Variants in POT1 observed in about 807,000 individuals in gnomAD.
POT1 encodes protection of telomeres protein 1.
In POT1, 47 loss-of-function variants were observed where a neutral mutation model predicts 78.5. The ratio of observed to expected loss-of-function variants is 0.60; its 90% confidence interval spans 0.47 to 0.76. The LOEUF (loss-of-function observed/expected upper bound fraction) is 0.76. Among genes scored for constraint, POT1 ranks in the 30% least tolerant of loss-of-function variants. The pLI is 0.00. For missense variants in POT1, 646 were observed against 749.9 expected, an observed-to-expected ratio of 0.86 and a Z score of 1.62; for synonymous variants, 259 against 260.7, an observed-to-expected ratio of 0.99 and a Z score of 0.06.
At chr7:124,834,201 A>C (rs1382620075) in intron 15 of POT1, among the ~76,000 whole-genome samples, 1 of 152,128 alleles carries the variant, frequency 6.6e-6, no homozygotes, top group Non-Finnish European at 1.5e-5. Context: ...ATGGGCAAAG[A>C]CTTCATGTCT....
chr7:124,827,126 T>C (rs1794648742), intron 17 of POT1, 88 bp downstream of exon 17: 2 of 686,166 alleles, frequency 2.9e-6, no homozygotes, highest in Admixed American at 4.0e-5. Context: ...TAAGTCCTTT[T>C]AGGAACAAAG....
chr7:124,866,995 T>G (rs180885698), intron 7 of POT1, among the ~76,000 whole-genome samples: 38 of 152,310 alleles, frequency 2.5e-4, no homozygotes, highest in African/African-American at 8.4e-4. Flanking sequence ...GGTTCTGTGG[T>G]CATCATTTTT....
chr7:124,917,834 T>C (rs1372511014), intron 2 of POT1, among the ~76,000 whole-genome samples: 1 of 152,048 alleles, frequency 6.6e-6, no homozygotes, highest in Non-Finnish European at 1.5e-5. Flanking sequence ...CCTAAGCATG[T>C]AGGAAGACAC....
At chr7:124,902,478 A>G (rs968972255) in intron 3 of POT1, among the ~76,000 whole-genome samples, 1 of 152,158 alleles carries the variant, frequency 6.6e-6, no homozygotes, top group Admixed American at 6.5e-5. Context: ...CAAATGCTGA[A>G]AGATTTTGTC....
intron 3 of POT1, among the ~76,000 whole-genome samples, chr7:124,901,776 A>T (rs576224805): frequency 1.2e-4 from 18 of 152,268 alleles, no homozygotes; most frequent in Non-Finnish European, 2.2e-4. Flanking sequence ...TAAGCTAAAA[A>T]CCTTGAAAAC....
At position 124,898,379 on chromosome 7, in the gene POT1, A is replaced by G. The variant is rs1382510418; in HGVS notation, c.-153-5T>C. Reference sequence around the variant, plus strand: ...TCTAGCCACTGCAATGGTGTCCTACATAGAAAAAAAAAAGTTTTTGAATCA... The same window carrying G: ...TCTAGCCACTGCAATGGTGTCCTACGTAGAAAAAAAAAAGTTTTTGAATCA... On this transcript the variant is annotated splice_polypyrimidine_tract_variant and splice_region_variant and intron_variant, in intron 3 of 18. Coordinates refer to ENST00000357628, the MANE Select transcript of POT1 (RefSeq NM_015450.3). 4 of 151,536 alleles carry G rather than the reference A, an allele frequency of 2.6e-5. No homozygotes were observed. Among genetic ancestry groups the G allele is most frequent in the Admixed American group, 2.6e-4 (4 of 15,204 alleles). 9.4% of individuals were successfully genotyped at this position (151,536 alleles called of 1,614,324 possible).
At chr7:124,863,774 T>C (rs1795657684) in intron 7 of POT1, 134 bp from the exon 8 acceptor site, 11 of 676,446 alleles carry the variant, frequency 1.6e-5, no homozygotes, top group South Asian at 1.6e-4. Context: ...TTAAAAACTA[T>C]TTTTCATTTA....
chr7:124,867,344 T>G (rs1036494758), intron 7 of POT1, among the ~76,000 whole-genome samples: 3 of 152,136 alleles, frequency 2.0e-5, no homozygotes, highest in African/African-American at 7.2e-5. Flanking sequence ...TAATTTCATG[T>G]TCACATTTAA....
rs563352647 is a variant in POT1 at position 124,843,907 on chromosome 7, C to T, written c.1007-944G>A. On this transcript the variant is annotated intron_variant, in intron 12 of 18. Transcript: ENST00000357628. ...GAAGGACAGAAGTTTACCAACAAGG[C>T]TCTCTGTATCACTTAATTAGATATT... is the stretch of plus-strand genomic sequence containing the variant. 2.6e-4 allele frequency among the ~76,000 whole-genome samples: 40 copies of T among 152,294 alleles called. No individual in the cohort carries two copies. The South Asian group carries it at 6.4e-3, about 24-fold the overall frequency.
In POT1 at chr7:124,859,112, C is replaced by T. The variant is rs1186225134; in HGVS notation, c.547G>A (p.Val183Ile). The stretch of plus-strand genomic sequence containing the variant: ...AATGGTGTCCTGGTGCCATCCCATA[C>T]CTGCCATAAGAGAGTAGAGTAGTTT... ...EVDGASFLLK[V>I]WDGTRTPFPS... The change falls in exon 9 of 19, where the codon GTA (valine) becomes ATA (isoleucine). Residue 183 changes from valine (V) to isoleucine (I), a missense_variant and splice_region_variant. Around this residue, in one of 2 missense-constraint regions of POT1, gnomAD observed 252 missense variants for 341.4 expected, o/e 0.74. Transcript: ENST00000357628. The T allele has an allele frequency of 2.5e-6, 4 of 1,582,468 alleles. No individual in the cohort carries two copies. The highest frequency in any genetic ancestry group is 1.3e-5 in the African/African-American group (1 of 74,170).
chr7:124,905,137 G>A (rs1290722961), intron 3 of POT1, among the ~76,000 whole-genome samples: 3 of 148,730 alleles, frequency 2.0e-5, no homozygotes, highest in Non-Finnish European at 4.6e-5. Context: ...AGAATTGGAA[G>A]TTCATATGGA....
intron 7 of POT1, among the ~76,000 whole-genome samples, chr7:124,866,801 C>T (rs889072635): frequency 3.3e-5 from 5 of 152,122 alleles, no homozygotes; most frequent in African/African-American, 4.8e-5. Flanking sequence ...TGCCTCATAA[C>T]GTTTTATGGG....
chr7:124,891,426 G>A (rs1796368936), intron 6 of POT1, among the ~76,000 whole-genome samples: 1 of 151,200 alleles, frequency 6.6e-6, no homozygotes, highest in African/African-American at 2.4e-5. Context: ...GTGAGTTTTT[G>A]TAGACAGCAT....
chr7:124,895,403 G>A (rs1796468786), intron 5 of POT1, among the ~76,000 whole-genome samples: 1 of 151,514 alleles, frequency 6.6e-6, no homozygotes, highest in Admixed American at 6.6e-5. Context: ...TCAGGAAAAT[G>A]TGAGCCCTGG....
At chr7:124,868,398 C>T (rs1795782758) in intron 7 of POT1, among the ~76,000 whole-genome samples, 1 of 151,958 alleles carries the variant, frequency 6.6e-6, no homozygotes, top group Admixed American at 6.6e-5. Flanking sequence ...AGGCTTAAAC[C>T]CCATTAACAT....
intron 6 of POT1, among the ~76,000 whole-genome samples, chr7:124,871,835 G>A (rs1334768988): frequency 1.3e-5 from 2 of 151,186 alleles, no homozygotes; most frequent in African/African-American, 2.4e-5. Flanking sequence ...ATCAAATCTA[G>A]CTAATGAAAA....
rs1584758342 is a variant in POT1, at chr7:124,842,809, C to T, written c.1161G>A (p.Leu387=). ...SVKLHCPKCH[L]LQEVPHEGDL... ...GTTTTATTATGGAAAATACTCACAGCAAATGACATTTAGGGCAATGAAGTT... is the reference window on the plus strand; with the variant it reads ...GTTTTATTATGGAAAATACTCACAGTAAATGACATTTAGGGCAATGAAGTT... The change falls in exon 13 of 19, where the codon TTG becomes TTA. Residue 387 remains leucine (L), a splice_region_variant and synonymous_variant. Transcript: ENST00000357628. The T allele has an allele frequency of 1.3e-6, 2 of 1,595,530 alleles. No individual in the cohort carries two copies. Among genetic ancestry groups the T allele is most frequent in the Non-Finnish European group, 1.7e-6 (2 of 1,175,028 alleles).
At chr7:124,885,146 T>C (rs989792912) in intron 6 of POT1, among the ~76,000 whole-genome samples, 1 of 152,062 alleles carries the variant, frequency 6.6e-6, no homozygotes, top group African/African-American at 2.4e-5. Context: ...TACGTATCAT[T>C]GATGAGTCAT....
Position 124,844,073 on chromosome 7 carries a change from A to G in POT1, c.1007-1110T>C, listed in dbSNP as rs187193935. ...TTTATCAGAGTGGAACATTTATTAC[A>G]TCAGAGTGGAACATTTATTACAGTG... is the stretch of plus-strand genomic sequence containing the variant. On this transcript the variant is annotated intron_variant, in intron 12 of 18. Transcript: ENST00000357628. 2.8e-3 allele frequency among the ~76,000 whole-genome samples: 421 copies of G among 151,032 alleles called. 3 individuals are homozygous for G. The highest frequency in any genetic ancestry group is 6.1e-3 in the South Asian group (29 of 4,768).
Sources: allele counts gnomAD v4.1 joint callset (sites outside exome capture counted in the v4.1 genomes callset), GRCh38; gene constraint gnomAD v4.1.1; regional missense constraint gnomAD v4.1.1; transcripts MANE v1.5; gene names NCBI Gene and HGNC (gene_info 2026-07-23, HGNC 2026-07-21).